The following GCC2 variants were observed in gnomAD, a reference collection of about 807,000 sequenced individuals.
GCC2 encodes the protein GRIP and coiled-coil domain-containing protein 2.
In GCC2, 120 loss-of-function variants were observed where a neutral mutation model predicts 210.6. That is an observed-to-expected ratio of 0.57 (90% CI 0.49 to 0.66). GCC2 has a LOEUF of 0.66. GCC2 is among the 30% of genes least tolerant of loss of function. The pLI is 0.00. For synonymous variants in GCC2, 703 were observed against 652.7 expected (o/e 1.08, Z -1.17); for missense variants, 1,868 against 1,871.9 (o/e 1.00, Z 0.04).
chr2:108,497,432 A>T (rs760213406), intron 21 of GCC2, among the ~76,000 whole-genome samples: 1 of 152,134 alleles, frequency 6.6e-6, no homozygotes, highest in Non-Finnish European at 1.5e-5. Context: ...CTTCTTTTAC[A>T]CCTATTACAT....
At chr2:108,468,253 A>G (rs1292505280) in intron 4 of GCC2, among the ~76,000 whole-genome samples, 1 of 151,972 alleles carries the variant, frequency 6.6e-6, no homozygotes, top group Non-Finnish European at 1.5e-5. Flanking sequence ...TTTAGTAGAG[A>G]CAGAGTTTCA....
At position 108,497,046 on chromosome 2, in the gene GCC2, T is replaced by C. The variant is rs1558759874; in HGVS notation, c.4719T>C (p.Asp1573=). ...TCAGTTCCACCACAAAAAGTGCAGA[T>C]CACTTAAACGGCCTGCTTCGGGAAA... is the stretch of plus-strand genomic sequence containing the variant. The part of the protein sequence containing the change: ...QKLSSTTKSA[D]HLNGLLRETE... Residue 1573 remains aspartate (D), a synonymous_variant, in exon 21 of 23, where the codon GAT becomes GAC. Transcript: ENST00000309863. 6 of 1,611,990 alleles carry C rather than the reference T, an allele frequency of 3.7e-6. No homozygotes were observed. Among genetic ancestry groups the C allele is most frequent in the Non-Finnish European group, 5.1e-6 (6 of 1,179,856 alleles).
intron 4 of GCC2, among the ~76,000 whole-genome samples, chr2:108,457,161 A>G (rs1245253496): frequency 6.6e-6 from 1 of 152,076 alleles, no homozygotes; most frequent in African/African-American, 2.4e-5. Context: ...TATTTGTATC[A>G]ACTAAATGGT....
rs141270164 is a variant in GCC2 at position 108,487,728 on chromosome 2, C to G, written c.3960C>G (p.Phe1320Leu). 6.8e-6 allele frequency: 11 copies of G among 1,613,014 alleles called. No individual in the cohort carries two copies. The highest frequency in any genetic ancestry group is 2.2e-5 in the East Asian group (1 of 44,818). Residue 1320 changes from phenylalanine to leucine, a missense_variant, in exon 17 of 23, where the codon TTC (phenylalanine) becomes TTG (leucine). Transcript: ENST00000309863. ...AACAAGCTACTGTAACCTCTGAATT[C>G]GAGAGCTACAAAGTCCGAGTTCATA... ...KAEQATVTSE[F>L]ESYKVRVHNV...
At chr2:108,496,823 T>G in intron 20 of GCC2, 147 bp from the exon 21 acceptor site, 1 of 1,075,684 alleles carries the variant, frequency 9.3e-7, no homozygotes, top group Non-Finnish European at 1.3e-6. Context: ...ATCTGTTGAT[T>G]GAGGTATGCC....
chr2:108,478,212 T>A (rs929498445), intron 9 of GCC2, among the ~76,000 whole-genome samples: 1 of 152,226 alleles, frequency 6.6e-6, no homozygotes, highest in African/African-American at 2.4e-5. Flanking sequence ...ATTTGTAAGA[T>A]CTTTGTATAT....
At position 108,507,698 on chromosome 2, in the gene GCC2, C is replaced by G; in HGVS notation, c.*68C>G. The G allele has an allele frequency of 9.0e-7, 1 of 1,107,094 alleles. No individual in the cohort carries two copies. The highest frequency in any genetic ancestry group is 1.3e-6 in the Non-Finnish European group (1 of 741,804). The allele number at this position is 1,107,094 out of a possible 1,614,324, so 68.6% of individuals were successfully genotyped here. ...TACAAAAATGGTTCACGTATATTAC[C>G]ACAATTCTTTTGTCAAAAAGTGTGT... On this transcript the variant is annotated 3_prime_UTR_variant, in exon 23 of 23. Coordinates refer to ENST00000309863, the MANE Select transcript of GCC2 (RefSeq NM_181453.4).
chr2:108,480,296 T>TAA (rs1355875237), intron 9 of GCC2, among the ~76,000 whole-genome samples: 2 of 152,172 alleles, frequency 1.3e-5, no homozygotes, highest in South Asian at 4.1e-4. Context: ...AAGGAACACT[T>TAA]ACACTTTTGG....
In GCC2 at chr2:108,461,432, C is replaced by T. The variant is rs1264123627; in HGVS notation, c.217-7548C>T. On this transcript the variant is annotated intron_variant, in intron 4 of 22. Coordinates refer to ENST00000309863, the MANE Select transcript of GCC2 (RefSeq NM_181453.4). ...TGGGCCTCCTATATCTGGATATCTA[C>T]CTCTCTTGCTAGACTTGGTGAGTTT... Among the ~76,000 whole-genome samples, 8 of 152,274 alleles carry T rather than the reference C, an allele frequency of 5.3e-5. No homozygotes were observed. In the South Asian group the frequency reaches 8.3e-4, roughly 16 times the overall value.
At position 108,453,334 on chromosome 2, in the gene GCC2, C is replaced by T. The variant is rs571655539; in HGVS notation, c.216+868C>T. On this transcript the variant is annotated intron_variant, in intron 4 of 22. Coordinates refer to ENST00000309863, the MANE Select transcript of GCC2 (RefSeq NM_181453.4). ...CCTATTATAGCTTTAAGATATTGTT[C>T]CAGTTTATCTTTTTTCTCTCTATTT... Among the ~76,000 whole-genome samples, 4 of 152,274 alleles carry T rather than the reference C, an allele frequency of 2.6e-5. No homozygotes were observed. In the South Asian group the frequency reaches 8.3e-4, roughly 32 times the overall value.
At chr2:108,490,040 T>C (rs1164905322) in intron 18 of GCC2, 26 bp downstream of exon 18, 1 of 1,508,448 alleles carries the variant, frequency 6.6e-7, no homozygotes, top group Non-Finnish European at 8.9e-7. Context: ...GCACTAACGC[T>C]GTACCAGACA....
chr2:108,468,043 G>C (rs1331956529), intron 4 of GCC2, among the ~76,000 whole-genome samples: 1 of 148,936 alleles, frequency 6.7e-6, no homozygotes, highest in Non-Finnish European at 1.5e-5. Context: ...TTGACAAATA[G>C]TTATTCATAA....
intron 22 of GCC2, among the ~76,000 whole-genome samples, chr2:108,505,464 C>T (rs925605831): frequency 7.2e-5 from 11 of 152,274 alleles, no homozygotes; most frequent in Non-Finnish European, 1.6e-4. Context: ...AGCCAGTAGG[C>T]TAACCTAATG....
At chr2:108,455,628 T>TA (rs1680237189) in intron 4 of GCC2, among the ~76,000 whole-genome samples, 1 of 152,204 alleles carries the variant, frequency 6.6e-6, no homozygotes, top group Non-Finnish European at 1.5e-5. Context: ...ATTTATCATA[T>TA]ATATGTGTTG....
At chr2:108,507,405 A>C (rs1191273430) in intron 22 of GCC2, 155 bp from the exon 23 acceptor site, 426 of 273,102 alleles carry the variant, frequency 1.6e-3, no homozygotes, top group African/African-American at 4.5e-3. Flanking sequence ...AAAAAAAAGA[A>C]CCCCCCCCCC....
chr2:108,460,170 C>T (rs1402857117), intron 4 of GCC2, among the ~76,000 whole-genome samples: 6 of 152,078 alleles, frequency 3.9e-5, no homozygotes, highest in African/African-American at 1.4e-4. Context: ...ATTTTCTAAT[C>T]CTTTTGTTCT....
At chr2:108,452,330 A>T in intron 3 of GCC2, 69 bp from the exon 4 acceptor site, 1 of 833,430 alleles carries the variant, frequency 1.2e-6, no homozygotes, top group South Asian at 1.4e-5. Flanking sequence ...GTGAGAATGT[A>T]CTTATCAGTT....
Position 108,471,249 on chromosome 2 carries a change from A to G in GCC2, c.1920A>G (p.Glu640=). ...KVEQTIQYNS[E]LEQKVNELTG... ...AGCAAACAATCCAGTACAACAGTGA[A>G]CTAGAACAAAAGGTAAATGAATTAA... Residue 640 remains glutamate, a synonymous_variant, in exon 6 of 23, where the codon GAA becomes GAG. Coordinates refer to ENST00000309863, the MANE Select transcript of GCC2 (RefSeq NM_181453.4). 1 of 1,609,154 alleles carries G rather than the reference A, an allele frequency of 6.2e-7. No homozygotes were observed. Among genetic ancestry groups the G allele is most frequent in the Non-Finnish European group, 8.5e-7 (1 of 1,178,578 alleles).
Position 108,507,540 on chromosome 2 carries a change from T to C in GCC2, c.4985-20T>C. ...TTTTTTCTTTTATTTTTCTTTTTTT[T>C]TTTGTTTTACTTTCCAAAGGTGAGG... is the stretch of plus-strand genomic sequence containing the variant. On this transcript the variant is annotated intron_variant, in intron 22 of 22. Transcript: ENST00000309863. 1 of 1,520,792 alleles carries C rather than the reference T, an allele frequency of 6.6e-7. No individual in the cohort carries two copies. Among genetic ancestry groups the C allele is most frequent in the Non-Finnish European group, 9.0e-7 (1 of 1,115,526 alleles). 94.2% of individuals were successfully genotyped at this position (1,520,792 alleles called of 1,614,324 possible).
Sources: allele counts gnomAD v4.1 joint callset (sites outside exome capture counted in the v4.1 genomes callset), GRCh38; gene constraint gnomAD v4.1.1; transcripts MANE v1.5; gene names NCBI Gene and HGNC (gene_info 2026-07-23, HGNC 2026-07-21).